ACSL4: variants seen among roughly 807,000 people sequenced by gnomAD.
ACSL4 encodes acyl-CoA synthetase long chain family member 4.
A neutral mutation model predicts 49.1 loss-of-function variants in ACSL4; 9 were observed. The observed-to-expected ratio is 0.18, with a 90% confidence interval of 0.11 to 0.32. The LOEUF (loss-of-function observed/expected upper bound fraction) is 0.32. Ranked by LOEUF, ACSL4 falls within the 10% of genes least tolerant of loss-of-function variation. The probability of loss-of-function intolerance (pLI) is 1.00; values close to 1 mark genes in which losing one functional copy is unlikely to be tolerated. For synonymous variants in ACSL4, 191 were observed against 170.3 expected, an observed-to-expected ratio of 1.12 and a Z score of -0.95; for missense variants, 333 against 493.7, an observed-to-expected ratio of 0.67 and a Z score of 3.08.
At position 109,721,457 on chromosome X, in the gene ACSL4, C is replaced by A. The variant is rs751597957; in HGVS notation, c.-66+11682G>T. Among the ~76,000 whole-genome samples the A allele has an allele frequency of 1.2e-4, 14 of 112,166 alleles. 3 individuals are homozygous for A. Among genetic ancestry groups the A allele is most frequent in the South Asian group, 1.1e-3 (3 of 2,725 alleles). Reference sequence around the variant, plus strand: ...TACCTAAGAAAAAACAGGGGCCAGGCGTGGTGGCTCATGCCTATAATCCCA... The same window carrying A: ...TACCTAAGAAAAAACAGGGGCCAGGAGTGGTGGCTCATGCCTATAATCCCA... On this transcript the variant is annotated intron_variant, in intron 1 of 15. Coordinates refer to ENST00000672401, the MANE Select transcript of ACSL4 (RefSeq NM_001318510.2).
At chrX:109,682,064 A>T (rs368224563) in intron 4 of ACSL4, among the ~76,000 whole-genome samples, 73 of 112,294 alleles carry the variant, frequency 6.5e-4, no homozygotes, top group Middle Eastern at 4.6e-3. Context: ...TTCATCGTTG[A>T]AAGTGGGTAA....
rs150301562 is a variant in ACSL4 at position 109,660,631 on chromosome X, G to C, written c.1697+900C>G. The stretch of plus-strand genomic sequence containing the variant: ...GGATCTCAAAGAGATATTTGCATAC[G>C]CATTTTCCTAGGAGCATTATTCACA... On this transcript the variant is annotated intron_variant, in intron 14 of 15. Transcript: ENST00000672401. 9.1e-3 allele frequency among the ~76,000 whole-genome samples: 1,010 copies of C among 111,595 alleles called. 11 individuals carry two copies. Among genetic ancestry groups the C allele is most frequent in the African/African-American group, 0.03 (909 of 30,810 alleles).
intron 4 of ACSL4, among the ~76,000 whole-genome samples, chrX:109,682,270 C>A (rs191031827): frequency 9.0e-6 from 1 of 111,568 alleles, no homozygotes; most frequent in East Asian, 2.8e-4. Context: ...TACTTTCTAA[C>A]ATATCTAATG....
chrX:109,671,471 G>A (rs897091250), intron 9 of ACSL4, among the ~76,000 whole-genome samples: 1 of 105,159 alleles, frequency 9.5e-6, no homozygotes, highest in African/African-American at 3.5e-5. Context: ...GCCCCCGCCC[G>A]ACCAGCCACC....
At chrX:109,720,530 T>C (rs1403927123) in intron 1 of ACSL4, among the ~76,000 whole-genome samples, 1 of 111,789 alleles carries the variant, frequency 8.9e-6, no homozygotes, top group Non-Finnish European at 1.9e-5. Context: ...CTGTATAACA[T>C]ACTTAGGTCA....
chrX:109,706,885 CTT>C (rs1321276658), intron 1 of ACSL4, among the ~76,000 whole-genome samples: 1 of 112,284 alleles, frequency 8.9e-6, no homozygotes. Context: ...AGAAAGTACT[CTT>C]GTGTAACAAT....
At chrX:109,655,447 A>T (rs753618204) in intron 15 of ACSL4, among the ~76,000 whole-genome samples, 2 of 110,900 alleles carry the variant, frequency 1.8e-5, no homozygotes, top group East Asian at 5.6e-4. Flanking sequence ...TAAAGTTGAG[A>T]GACTCTGCCA....
intron 15 of ACSL4, among the ~76,000 whole-genome samples, chrX:109,646,913 G>C (rs1052728420): frequency 2.7e-5 from 3 of 111,500 alleles, no homozygotes; most frequent in Non-Finnish European, 5.7e-5. Context: ...ACAAAGATCA[G>C]AAGAGACAAA....
At chrX:109,675,240 C>T (rs912781882) in intron 8 of ACSL4, among the ~76,000 whole-genome samples, 1 of 112,843 alleles carries the variant, frequency 8.9e-6, no homozygotes, top group Non-Finnish European at 1.9e-5. Context: ...TGCTACTGAC[C>T]AGCTCTTGCT....
chrX:109,653,957 A>T (rs1921407789), intron 15 of ACSL4, among the ~76,000 whole-genome samples: 1 of 109,815 alleles, frequency 9.1e-6, no homozygotes, highest in African/African-American at 3.3e-5. Context: ...AAGTATAATA[A>T]TAATTTTTAA....
chrX:109,706,558 T>C (rs1226912600), intron 1 of ACSL4, among the ~76,000 whole-genome samples: 1 of 112,491 alleles, frequency 8.9e-6, no homozygotes, highest in African/African-American at 3.2e-5. Flanking sequence ...ATAATACTTT[T>C]TGAGGTCCAC....
At chrX:109,732,913 C>G in intron 1 of ACSL4, 1 of 287,945 alleles carries the variant, frequency 3.5e-6, no homozygotes, top group East Asian at 1.1e-4. Context: ...GAGTCCATCA[C>G]AGGAGCAGAT....
At chrX:109,672,821 G>A (rs747531610) in intron 9 of ACSL4, among the ~76,000 whole-genome samples, 3 of 110,477 alleles carry the variant, frequency 2.7e-5, no homozygotes, top group African/African-American at 9.9e-5. Context: ...GAAAGACCTG[G>A]TTACAACCAA....
chrX:109,672,079 TAAA>T (rs764711316), intron 9 of ACSL4, among the ~76,000 whole-genome samples: 2 of 37,380 alleles, frequency 5.4e-5, no homozygotes, highest in Admixed American at 3.5e-4. Context: ...CAATAAATAC[TAAA>T]AAAAAAAAAA....
At chrX:109,700,538 T>TA (rs562313936) in intron 1 of ACSL4, among the ~76,000 whole-genome samples, 120 of 51,121 alleles carry the variant, frequency 2.3e-3, no homozygotes, top group Admixed American at 6.4e-3. Flanking sequence ...CTCTGTCTCA[T>TA]AAAAAAAAAA....
At chrX:109,645,857 G>C (rs1002634782) in intron 15 of ACSL4, among the ~76,000 whole-genome samples, 1 of 112,408 alleles carries the variant, frequency 8.9e-6, no homozygotes. Flanking sequence ...GCCAAGGCTC[G>C]AGAACTACGT....
chrX:109,649,967 C>G (rs1209073577), intron 15 of ACSL4, among the ~76,000 whole-genome samples: 3 of 108,834 alleles, frequency 2.8e-5, no homozygotes, highest in African/African-American at 6.7e-5. Context: ...CAAATCAAAA[C>G]CACAATGAGA....
intron 1 of ACSL4, among the ~76,000 whole-genome samples, chrX:109,707,214 C>T (rs1001194791): frequency 8.9e-6 from 1 of 111,914 alleles, no homozygotes; most frequent in African/African-American, 3.2e-5. Context: ...TATAATATTG[C>T]ATCCTTATTT....
chrX:109,691,597 A>C lies in ACSL4; in HGVS notation c.-13+4547T>G, dbSNP rs185954535. On this transcript the variant is annotated intron_variant, in intron 2 of 15. Transcript: ENST00000672401. ...TGGTTTCACTTTGTAAATGAAATCA[A>C]ACTTTACAAGAGACATTACAATTAA... Among the ~76,000 whole-genome samples the C allele has an allele frequency of 4.4e-3, 497 of 112,448 alleles. 1 individual carries two copies. Among genetic ancestry groups the C allele is most frequent in the South Asian group, 0.011 (30 of 2,768 alleles).
Sources: allele counts gnomAD v4.1 joint callset (sites outside exome capture counted in the v4.1 genomes callset), GRCh38; gene constraint gnomAD v4.1.1; transcripts MANE v1.5; gene names NCBI Gene and HGNC (gene_info 2026-07-23, HGNC 2026-07-21).